HERC4: variants seen among roughly 807,000 people sequenced by gnomAD.
The protein encoded by HERC4 is HECT and RLD domain containing E3 ubiquitin protein ligase 4.
HERC4 carries 28 observed loss-of-function variants against 124.3 expected under a neutral mutation model. The ratio of observed to expected loss-of-function variants is 0.23; its 90% CI spans 0.17 to 0.31. The LOEUF (loss-of-function observed/expected upper bound fraction) is 0.31. Among genes scored for constraint, HERC4 ranks in the 10% least tolerant of loss-of-function variants. HERC4 has a pLI of 1.00. For synonymous variants in HERC4, 407 were observed against 421.5 expected (o/e 0.97, Z 0.42); for missense variants, 713 against 1,229.3 (o/e 0.58, Z 6.28).
intron 9 of HERC4, among the ~76,000 whole-genome samples, chr10:68,005,970 T>A (rs958332409): frequency 2.6e-5 from 4 of 152,216 alleles, no homozygotes; most frequent in African/African-American, 9.6e-5. Flanking sequence ...TGATCTGATC[T>A]GAGGTTACCA....
intron 15 of HERC4, among the ~76,000 whole-genome samples, chr10:67,972,110 A>T (rs1305043550): frequency 1.3e-5 from 2 of 148,994 alleles, no homozygotes; most frequent in Non-Finnish European, 3.0e-5. Flanking sequence ...GCTACTTGGG[A>T]GGCTGAGGCA....
rs1377243520 is a variant in HERC4, at chr10:67,925,168, T to C, written c.2858A>G (p.Glu953Gly). 1.3e-6 allele frequency: 2 copies of C among 1,590,722 alleles called. No homozygotes were observed. The highest frequency in any genetic ancestry group is 1.7e-6 in the Non-Finnish European group (2 of 1,159,122). Reference sequence around the variant, plus strand: ...TATCGTAGGATGTTCTGCCCAATATTCCCCTTTGTATTCTGTATTCTAAAA... The same window carrying C: ...TATCGTAGGATGTTCTGCCCAATATCCCCCTTTGTATTCTGTATTCTAAAA... Reference protein sequence around the residue: ...ELEKNTEYKGEYWAEHPTIKI... With the variant: ...ELEKNTEYKGGYWAEHPTIKI... Residue 953 changes from glutamate to glycine, a missense_variant, in exon 24 of 25, where the codon GAA becomes GGA. Glu to Gly is a moderately conservative substitution (Grantham distance 98, BLOSUM62 -2). Transcript: ENST00000373700.
chr10:68,047,202 A>G lies in HERC4; in HGVS notation c.227-2639T>C, dbSNP rs1007942432. ...CCAGTTTTTATTGACTTCTTAGGGA[A>G]AAAAAAAAAAAGGTCAGTAATTCGC... On this transcript the variant is annotated intron_variant, in intron 3 of 24. Transcript: ENST00000373700. 5.7e-4 allele frequency among the ~76,000 whole-genome samples: 23 copies of G among 40,572 alleles called. No homozygotes were observed. In the East Asian group the frequency reaches 0.09, roughly 158 times the overall value. The allele number at this position is 40,572 out of a possible 152,430, so 26.6% of individuals were successfully genotyped here.
intron 16 of HERC4, among the ~76,000 whole-genome samples, chr10:67,958,858 G>A (rs1469865066): frequency 6.6e-6 from 1 of 152,100 alleles, no homozygotes; most frequent in Non-Finnish European, 1.5e-5. Flanking sequence ...GAGGAGGACA[G>A]AAACTATTCT....
intron 15 of HERC4, among the ~76,000 whole-genome samples, chr10:67,971,238 TAATC>T (rs1402216145): frequency 1.3e-5 from 2 of 152,144 alleles, no homozygotes; most frequent in African/African-American, 4.8e-5. Flanking sequence ...ATACCAATCT[TAATC>T]AAACTTTTTC....
intron 7 of HERC4, among the ~76,000 whole-genome samples, chr10:68,026,935 C>G (rs1045063702): frequency 6.6e-6 from 1 of 151,808 alleles, no homozygotes; most frequent in Non-Finnish European, 1.5e-5. Flanking sequence ...GGAGGCACAG[C>G]TTGCCATGGG....
intron 3 of HERC4, among the ~76,000 whole-genome samples, chr10:68,061,879 TA>T (rs71470503): frequency 0.022 from 1,203 of 54,808 alleles, 10 homozygotes; most frequent in African/African-American, 0.057. Flanking sequence ...AGACTCCATT[TA>T]AAAAAAAAAA....
chr10:67,937,204 T>G (rs142543233), intron 21 of HERC4, among the ~76,000 whole-genome samples: 1 of 152,102 alleles, frequency 6.6e-6, no homozygotes, highest in South Asian at 2.1e-4. Context: ...CAAGTGGCTC[T>G]GAAAAAGAGG....
chr10:68,021,563 C>T (rs1243841901), intron 8 of HERC4, among the ~76,000 whole-genome samples: 1 of 152,146 alleles, frequency 6.6e-6, no homozygotes, highest in Non-Finnish European at 1.5e-5. Flanking sequence ...AATCCCAGCA[C>T]TTTGGGAGGC....
At chr10:67,959,873 C>T (rs1017461488) in intron 16 of HERC4, among the ~76,000 whole-genome samples, 99 of 152,180 alleles carry the variant, frequency 6.5e-4, no homozygotes, top group African/African-American at 2.3e-3. Context: ...AGCACAGACT[C>T]GTGTAAAGCA....
chr10:67,939,750 C>A, intron 20 of HERC4, 96 bp from the exon 21 acceptor site: 1 of 509,168 alleles, frequency 2.0e-6, no homozygotes, highest in Non-Finnish European at 3.3e-6. Flanking sequence ...ACTTCTCATT[C>A]CCTCTTGGTA....
In HERC4 at chr10:67,924,567, G is replaced by A. The variant is rs1240358392; in HGVS notation, c.2941+518C>T. The stretch of plus-strand genomic sequence containing the variant: ...ATTATAATCTTACAGGACCACTATC[G>A]TATATATGGTCTGTCATTCACTGAA... On this transcript the variant is annotated intron_variant, in intron 24 of 24. Transcript: ENST00000373700. Among the ~76,000 whole-genome samples, 8 of 152,146 alleles carry A rather than the reference G, an allele frequency of 5.3e-5. No individual in the cohort carries two copies. The East Asian group carries it at 5.8e-4, about 11-fold the overall frequency.
chr10:67,954,287 C>G (rs2033999569), intron 19 of HERC4: 1 of 200,946 alleles, frequency 5.0e-6, no homozygotes, highest in Non-Finnish European at 9.9e-6. Flanking sequence ...TTAATTTTTC[C>G]CAACAGAAAA....
In HERC4 at chr10:67,990,373, T is replaced by C. The variant is rs1411299757; in HGVS notation, c.1471A>G (p.Ile491Val). 1.3e-6 allele frequency: 2 copies of C among 1,562,994 alleles called. No homozygotes were observed. The highest frequency in any genetic ancestry group is 2.4e-5 in the South Asian group (2 of 81,824). Residue 491 changes from isoleucine (I) to valine (V), a missense_variant, in exon 14 of 25, where the codon ATT (isoleucine) becomes GTT (valine). Physicochemically the swap from Ile to Val is conservative, Grantham distance 29. Coordinates refer to ENST00000373700, the MANE Select transcript of HERC4 (RefSeq NM_015601.4). Reference protein sequence around the residue: ...QVAASLEKNLIPKLTSSLPDV... With the variant: ...QVAASLEKNLVPKLTSSLPDV... ...GGTAAGGAGCTAGTCAGTTTAGGAA[T>C]AAGATTCTTTTCCAAACTAGCTGCC...
intron 16 of HERC4, among the ~76,000 whole-genome samples, chr10:67,963,916 G>C (rs1053173551): frequency 6.6e-6 from 1 of 152,086 alleles, no homozygotes; most frequent in Admixed American, 6.6e-5. Context: ...CTGAGGGAAG[G>C]TTAAATCCTT....
At chr10:68,003,086 AT>A (rs1265108571) in intron 9 of HERC4, among the ~76,000 whole-genome samples, 1 of 152,018 alleles carries the variant, frequency 6.6e-6, no homozygotes, top group African/African-American at 2.4e-5. Flanking sequence ...TGTACAATAA[AT>A]TATTCTCGAC....
At chr10:67,996,873 G>A (rs762312075) in intron 9 of HERC4, among the ~76,000 whole-genome samples, 5 of 151,696 alleles carry the variant, frequency 3.3e-5, no homozygotes, top group African/African-American at 4.8e-5. Context: ...CTGTAGTCCC[G>A]GCTACTTGGG....
intron 8 of HERC4, among the ~76,000 whole-genome samples, chr10:68,021,311 G>C (rs143684144): frequency 8.4e-4 from 128 of 152,140 alleles, no homozygotes; most frequent in African/African-American, 2.9e-3. Flanking sequence ...ATGCAAACCT[G>C]GTTCAACATA....
At chr10:68,066,487 A>G (rs1490881623) in intron 3 of HERC4, among the ~76,000 whole-genome samples, 1 of 152,240 alleles carries the variant, frequency 6.6e-6, no homozygotes, top group East Asian at 1.9e-4. Context: ...AAGTACTTTA[A>G]AGAAGTTTCC....
Sources: gnomAD v4.1 joint callset for allele counts (sites outside exome capture counted in the v4.1 genomes callset) on GRCh38, gnomAD v4.1.1 for gene constraint, MANE v1.5 for transcripts, NCBI Gene and HGNC (gene_info 2026-07-23, HGNC 2026-07-21) for gene names.